Variants in C2orf42 observed in about 807,000 individuals in gnomAD.
The protein encoded by C2orf42 is uncharacterized protein C2orf42.
A neutral mutation model predicts 58.9 loss-of-function variants in C2orf42; 44 were observed. The ratio of observed to expected loss-of-function variants is 0.75; its 90% CI spans 0.59 to 0.96. The LOEUF (loss-of-function observed/expected upper bound fraction) is 0.96. Ranked by LOEUF, C2orf42 falls within the 40% of genes least tolerant of loss-of-function variation. The pLI is 0.00. For synonymous variants in C2orf42, 239 were observed against 265.4 expected, an observed-to-expected ratio of 0.90 and a Z score of 0.97; for missense variants, 630 against 699.2, an observed-to-expected ratio of 0.90 and a Z score of 1.12.
chr2:70,175,675 TG>T lies in C2orf42; in HGVS notation c.1036del (p.Gln346ArgfsTer7). Reference sequence around the variant, plus strand: ...TATTCTAGGGAAGGGAAACTTACCCTGCCTTTTTAACGAGGAAGCAACCACA... The same window carrying T: ...TATTCTAGGGAAGGGAAACTTACCCTCCTTTTTAACGAGGAAGCAACCACA... ...KPVVASSLKR[Q>X]ACGQLLDEAQ... On this transcript the variant is annotated frameshift_variant, in exon 5 of 10. Transcript: ENST00000264434. LOFTEE classifies it high-confidence loss of function. The T allele has an allele frequency of 6.3e-7, 1 of 1,595,944 alleles. No homozygotes were observed. Among genetic ancestry groups the T allele is most frequent in the Non-Finnish European group, 8.6e-7 (1 of 1,163,498 alleles).
At chr2:70,166,341 G>A (rs905620901) in intron 6 of C2orf42, among the ~76,000 whole-genome samples, 1 of 149,426 alleles carries the variant, frequency 6.7e-6, no homozygotes, top group Non-Finnish European at 1.5e-5. Context: ...GCAACAGAGT[G>A]AGACCCTCCC....
At chr2:70,151,763 G>C in intron 9 of C2orf42, among the ~76,000 whole-genome samples, 1 of 150,912 alleles carries the variant, frequency 6.6e-6, no homozygotes, top group South Asian at 2.1e-4. Flanking sequence ...GACTTCATAA[G>C]CTAATATTTT....
chr2:70,180,580 C>T (rs904164926), intron 3 of C2orf42, among the ~76,000 whole-genome samples: 1 of 119,712 alleles, frequency 8.4e-6, no homozygotes, highest in Non-Finnish European at 1.6e-5. Flanking sequence ...TGCACTCCAG[C>T]GTTTGTGATG....
intron 5 of C2orf42, among the ~76,000 whole-genome samples, chr2:70,174,244 T>C (rs1021069904): frequency 1.3e-5 from 2 of 151,846 alleles, no homozygotes; most frequent in African/African-American, 2.4e-5. Flanking sequence ...GAGGCGGAGG[T>C]TGCAGTGACC....
At chr2:70,172,051 T>C (rs1230204572) in intron 5 of C2orf42, among the ~76,000 whole-genome samples, 1 of 150,320 alleles carries the variant, frequency 6.7e-6, no homozygotes, top group Non-Finnish European at 1.5e-5. Flanking sequence ...GGTGAAACCC[T>C]GTCTCTACTA....
Position 70,157,074 on chromosome 2 carries a change from C to A in C2orf42, c.1516+3551G>T, listed in dbSNP as rs187615424. Reference sequence around the variant, plus strand: ...AAAGGCTTTTAGAAATATAAGAAGTCATTCAGGGAAACATAATTTTAGAAG... The same window carrying A: ...AAAGGCTTTTAGAAATATAAGAAGTAATTCAGGGAAACATAATTTTAGAAG... On this transcript the variant is annotated intron_variant, in intron 9 of 9. Coordinates refer to ENST00000264434, the MANE Select transcript of C2orf42 (RefSeq NM_017880.3). Among the ~76,000 whole-genome samples the A allele has an allele frequency of 1.2e-3, 185 of 152,246 alleles. 1 individual carries two copies. The highest frequency in any genetic ancestry group is 4.4e-3 in the African/African-American group (182 of 41,556).
At chr2:70,177,395 A>G (rs1013417688) in intron 4 of C2orf42, among the ~76,000 whole-genome samples, 9 of 152,068 alleles carry the variant, frequency 5.9e-5, no homozygotes, top group Non-Finnish European at 1.2e-4. Flanking sequence ...AGCCAAGATC[A>G]CGCCACTGCA....
chr2:70,157,595 G>A (rs1332866846), intron 9 of C2orf42, among the ~76,000 whole-genome samples: 2 of 152,106 alleles, frequency 1.3e-5, no homozygotes, highest in East Asian at 1.9e-4. Flanking sequence ...TTAGAAATTC[G>A]AGACCAGCCT....
At position 70,165,628 on chromosome 2, in the gene C2orf42, T is replaced by C. The variant is rs939347967; in HGVS notation, c.1152A>G (p.Pro384=). 12 of 1,594,412 alleles carry C rather than the reference T, an allele frequency of 7.5e-6. No homozygotes were observed. The highest frequency in any genetic ancestry group is 4.5e-5 in the East Asian group (2 of 44,808). ...QTMHYQFDGK[P]EPLVFHIPQS... ...GAGGAATGTGGAACACCAATGGTTC[T>C]GGTTTGCCTATGGGAAACAAGAAGA... is the stretch of plus-strand genomic sequence containing the variant. Residue 384 remains proline (P), a synonymous_variant, in exon 7 of 10, where the codon CCA becomes CCG. Transcript: ENST00000264434.
At chr2:70,165,411 A>G in intron 7 of C2orf42, 117 bp downstream of exon 7, 1 of 673,498 alleles carries the variant, frequency 1.5e-6, no homozygotes, top group Middle Eastern at 2.6e-4. Flanking sequence ...TGCTCCAGAC[A>G]TGTGAGTAGA....
intron 9 of C2orf42, among the ~76,000 whole-genome samples, chr2:70,158,198 CAA>C (rs545342436): frequency 3.3e-4 from 25 of 74,726 alleles, no homozygotes; most frequent in East Asian, 3.9e-4. Context: ...GACTCGGTCT[CAA>C]AAAAAAAAAA....
At chr2:70,162,924 A>G (rs1314324819) in intron 8 of C2orf42, among the ~76,000 whole-genome samples, 1 of 150,510 alleles carries the variant, frequency 6.6e-6, no homozygotes, top group South Asian at 2.1e-4. Context: ...CTGGAGTGCA[A>G]TGGCGCAACC....
intron 6 of C2orf42, among the ~76,000 whole-genome samples, chr2:70,168,333 G>A (rs1673549657): frequency 6.8e-6 from 1 of 146,274 alleles, no homozygotes; most frequent in African/African-American, 2.5e-5. Flanking sequence ...AGTCACCCAG[G>A]CTGGAGTGCA....
intron 5 of C2orf42, among the ~76,000 whole-genome samples, chr2:70,170,105 T>C (rs1008497375): frequency 2.0e-5 from 3 of 151,616 alleles, no homozygotes; most frequent in Admixed American, 6.6e-5. Context: ...CCAGCTGGCT[T>C]CGAACTCCTA....
At chr2:70,174,917 C>T (rs1674083766) in intron 5 of C2orf42, among the ~76,000 whole-genome samples, 1 of 151,696 alleles carries the variant, frequency 6.6e-6, no homozygotes, top group Admixed American at 6.6e-5. Context: ...GGTGATCTGC[C>T]TGCCTCAGTC....
chr2:70,160,700 T>C lies in C2orf42; in HGVS notation c.1441A>G (p.Ile481Val), dbSNP rs755379857. Residue 481 changes from isoleucine to valine, a missense_variant, in exon 9 of 10, where the codon ATA becomes GTA. By Grantham distance (29) the Ile-to-Val change is conservative (BLOSUM62 3). Transcript: ENST00000264434. ...TCTATACGACCGTAGGTTTCTGCTA[T>C]GCTTTCTACTTCCACTTTAGGGCAT... ...FKCPKVEVES[I>V]AETYGRIEKQ... is the part of the protein sequence containing the mutation. 3 of 1,613,544 alleles carry C rather than the reference T, an allele frequency of 1.9e-6. No homozygotes were observed. The highest frequency in any genetic ancestry group is 2.5e-6 in the Non-Finnish European group (3 of 1,179,556).
chr2:70,163,840 A>G (rs1210358962), intron 8 of C2orf42, among the ~76,000 whole-genome samples: 5 of 152,002 alleles, frequency 3.3e-5, no homozygotes, highest in African/African-American at 9.7e-5. Flanking sequence ...ACAGAGCAAG[A>G]GACTCTGTCT....
intron 1 of C2orf42, among the ~76,000 whole-genome samples, chr2:70,188,092 A>C (rs1675074757): frequency 6.6e-6 from 1 of 152,166 alleles, no homozygotes; most frequent in Admixed American, 6.6e-5. Flanking sequence ...ACTATGGGGC[A>C]TTTGTCAAAA....
At chr2:70,162,647 A>T (rs966627790) in intron 8 of C2orf42, among the ~76,000 whole-genome samples, 2 of 148,732 alleles carry the variant, frequency 1.3e-5, no homozygotes, top group African/African-American at 4.9e-5. Flanking sequence ...TGTCTCAAAC[A>T]AAAAAAAAAT....
Sources: allele counts gnomAD v4.1 joint callset (sites outside exome capture counted in the v4.1 genomes callset), GRCh38; gene constraint gnomAD v4.1.1; transcripts MANE v1.5; gene names NCBI Gene and HGNC (gene_info 2026-07-23, HGNC 2026-07-21).